Variants in ITPK1 observed in about 807,000 individuals in gnomAD.
The protein encoded by ITPK1 is inositol-tetrakisphosphate 1-kinase, also known as inositol 1,3,4-trisphosphate 5/6-kinase.
ITPK1 carries 21 observed loss-of-function variants against 45.3 expected under a neutral mutation model. That is an observed-to-expected ratio of 0.46 (90% confidence interval 0.33 to 0.67). The LOEUF (loss-of-function observed/expected upper bound fraction) is 0.67. Ranked by LOEUF, ITPK1 falls within the 30% of genes least tolerant of loss-of-function variation. ITPK1 has a pLI of 0.02. For synonymous variants in ITPK1, 258 were observed against 253.6 expected (o/e 1.02, Z -0.16); for missense variants, 474 against 573.5 (o/e 0.83, Z 1.77).
At position 93,076,570 on chromosome 14, in the gene ITPK1, C is replaced by A. The variant is rs745854394; in HGVS notation, c.120+25G>T. The A allele has an allele frequency of 5.0e-6, 8 of 1,614,106 alleles. No homozygotes were observed. On this transcript the variant is annotated intron_variant, in intron 3 of 10. Transcript: ENST00000267615. The surrounding 1 kb of genome is among the most constrained non-coding windows in gnomAD (Gnocchi z 4.3). The stretch of plus-strand genomic sequence containing the variant: ...ACCAAGGGCCCCACTACCCAAAGAA[C>A]CACGGGGACGCGGTCTGTACTCACC...
chr14:92,961,406 A>G (rs2139739891), intron 7 of ITPK1, among the ~76,000 whole-genome samples: 1 of 152,330 alleles, frequency 6.6e-6, no homozygotes, highest in South Asian at 2.1e-4. Flanking sequence ...CCTGGTCTCC[A>G]TGGTCCTCAA....
chr14:93,031,775 G>A (rs919409991), intron 3 of ITPK1, among the ~76,000 whole-genome samples: 1 of 152,100 alleles, frequency 6.6e-6, no homozygotes, highest in African/African-American at 2.4e-5. Flanking sequence ...GTTTATTTTT[G>A]CTGACAATAA....
chr14:92,988,472 G>A (rs1429198271), intron 5 of ITPK1, among the ~76,000 whole-genome samples: 1 of 152,190 alleles, frequency 6.6e-6, no homozygotes, highest in Non-Finnish European at 1.5e-5. Flanking sequence ...GCCATGATGT[G>A]TGGCTGCCCT....
At position 92,951,838 on chromosome 14, in the gene ITPK1, C is replaced by T. The variant is rs1887966678; in HGVS notation, c.738+108G>A. On this transcript the variant is annotated intron_variant, in intron 9 of 10. Transcript: ENST00000267615. ...GGCATGGAGGCAAACGTCCTTCCCA[C>T]CCTACCCTGCTGGAGAGCTTGGCCA... 3 of 856,184 alleles carry T rather than the reference C, an allele frequency of 3.5e-6. No homozygotes were observed. The East Asian group carries it at 8.0e-5, about 23-fold the overall frequency. The allele number at this position is 856,184 out of a possible 1,614,324, so 53.0% of individuals were successfully genotyped here. A position where few individuals can be genotyped will look rare whatever the true frequency, so the allele number is the denominator to read the frequency against.
chr14:92,941,913 G>C lies in ITPK1; in HGVS notation c.902-9C>G. 1 of 1,609,878 alleles carries C rather than the reference G, an allele frequency of 6.2e-7. No individual in the cohort carries two copies. ...GCTCACGCCCTCGTAGCCTGGGGGT[G>C]GGAGAGAGACAGCACAAGGGGCGTG... On this transcript the variant is annotated splice_polypyrimidine_tract_variant and intron_variant, in intron 10 of 10. Coordinates refer to ENST00000267615, the MANE Select transcript of ITPK1 (RefSeq NM_014216.6).
chr14:93,025,935 C>A (rs896160965), intron 3 of ITPK1, among the ~76,000 whole-genome samples: 1 of 152,240 alleles, frequency 6.6e-6, no homozygotes, highest in South Asian at 2.1e-4. Context: ...TGAGACCAGG[C>A]TGGATGACAG....
chr14:93,061,736 A>G lies in ITPK1; in HGVS notation c.120+14859T>C, dbSNP rs1013103598. On this transcript the variant is annotated intron_variant, in intron 3 of 10. Coordinates refer to ENST00000267615, the MANE Select transcript of ITPK1 (RefSeq NM_014216.6). ...CTTACTTATGTAACCCAAAGAAATAATCATCACAGGCTTGCCCAAACAGTA... is the reference window on the plus strand; with the variant it reads ...CTTACTTATGTAACCCAAAGAAATAGTCATCACAGGCTTGCCCAAACAGTA... Among the ~76,000 whole-genome samples the G allele has an allele frequency of 5.3e-5, 8 of 152,356 alleles. 1 individual carries two copies. The Middle Eastern group carries it at 0.01, about 194-fold the overall frequency.
chr14:92,998,555 G>T (rs1887176740), intron 4 of ITPK1, among the ~76,000 whole-genome samples: 1 of 152,260 alleles, frequency 6.6e-6, no homozygotes, highest in Non-Finnish European at 1.5e-5. Flanking sequence ...ACAGAAGTAG[G>T]TGAGGGACGG....
intron 3 of ITPK1, among the ~76,000 whole-genome samples, chr14:93,055,950 C>T (rs760335299): frequency 1.4e-4 from 22 of 152,116 alleles, no homozygotes; most frequent in Non-Finnish European, 2.2e-4. Flanking sequence ...AGTGAGGTCA[C>T]GGCTAGGGAG....
In ITPK1 at chr14:93,095,060, C is replaced by T. The variant is rs74072558; in HGVS notation, c.96-18441G>A. ...AGAGAAACTTGCTCTGTTCCTCGAGCAGAGTTCATCTAACACTTCACCTCC... is the reference window on the plus strand; with the variant it reads ...AGAGAAACTTGCTCTGTTCCTCGAGTAGAGTTCATCTAACACTTCACCTCC... On this transcript the variant is annotated intron_variant, in intron 2 of 10. Coordinates refer to ENST00000267615, the MANE Select transcript of ITPK1 (RefSeq NM_014216.6). Among the ~76,000 whole-genome samples the T allele has an allele frequency of 7.0e-3, 1,071 of 152,320 alleles. 14 individuals carry two copies. The highest frequency in any genetic ancestry group is 0.024 in the African/African-American group (984 of 41,578).
chr14:93,071,673 A>G (rs1891011594), intron 3 of ITPK1: 1 of 152,252 alleles, frequency 6.6e-6, no homozygotes, highest in Non-Finnish European at 1.5e-5. Context: ...TAAATTACAT[A>G]ATCAAGCTCT....
intron 3 of ITPK1, among the ~76,000 whole-genome samples, chr14:93,038,664 A>G (rs1354008194): frequency 6.6e-6 from 1 of 152,116 alleles, no homozygotes; most frequent in Non-Finnish European, 1.5e-5. Flanking sequence ...TGTAGCTGGG[A>G]TTACAGGCAT....
intron 2 of ITPK1, among the ~76,000 whole-genome samples, chr14:93,099,840 G>T (rs1892240954): frequency 6.6e-6 from 1 of 152,070 alleles, no homozygotes. Context: ...ACTTGTGGGG[G>T]TAGGTACTCT....
At chr14:92,955,649 C>G (rs1253100072) in intron 8 of ITPK1, among the ~76,000 whole-genome samples, 1 of 152,242 alleles carries the variant, frequency 6.6e-6, no homozygotes, top group Non-Finnish European at 1.5e-5. Context: ...ATAAGGCACA[C>G]TTGATTTGAG....
At chr14:93,095,574 GTTTT>G (rs34003729) in intron 2 of ITPK1, among the ~76,000 whole-genome samples, 6 of 137,320 alleles carry the variant, frequency 4.4e-5, no homozygotes, top group African/African-American at 8.7e-5. Context: ...CACGGACTAG[GTTTT>G]TTTTTTTTTT....
intron 5 of ITPK1, among the ~76,000 whole-genome samples, chr14:92,987,870 A>C (rs1301123607): frequency 1.3e-5 from 2 of 152,132 alleles, no homozygotes; most frequent in Non-Finnish European, 2.9e-5. Context: ...CACACGGCAG[A>C]CGCCAGGACG....
In ITPK1 at chr14:92,938,275, G is replaced by A; in HGVS notation, c.*3286C>T. The A allele has an allele frequency of 1.6e-6, 1 of 606,934 alleles. No individual in the cohort carries two copies. The highest frequency in any genetic ancestry group is 2.9e-6 in the Non-Finnish European group (1 of 340,744). 37.6% of individuals were successfully genotyped at this position (606,934 alleles called of 1,614,324 possible). Reference sequence around the variant, plus strand: ...GCCCGGCCAGAGTTTCTAGGGAATAGAAGAGAGGGCAGATACAGACCCCAG... The same window carrying A: ...GCCCGGCCAGAGTTTCTAGGGAATAAAAGAGAGGGCAGATACAGACCCCAG... On this transcript the variant is annotated 3_prime_UTR_variant, in exon 11 of 11. Coordinates refer to ENST00000267615, the MANE Select transcript of ITPK1 (RefSeq NM_014216.6).
In ITPK1 at chr14:93,012,462, G is replaced by A. The variant is rs983911000; in HGVS notation, c.246+4214C>T. ...AGGGGGCCAGGGAAGGAGCGGGTGGGGCAGATCACCGAGGCCCCATGGGTC... is the reference window on the plus strand; with the variant it reads ...AGGGGGCCAGGGAAGGAGCGGGTGGAGCAGATCACCGAGGCCCCATGGGTC... On this transcript the variant is annotated intron_variant, in intron 4 of 10. Coordinates refer to ENST00000267615, the MANE Select transcript of ITPK1 (RefSeq NM_014216.6). The surrounding 1 kb of genome is among the most constrained non-coding windows in gnomAD (Gnocchi z 4.9). 6.6e-6 allele frequency among the ~76,000 whole-genome samples: 1 copy of A among 152,180 alleles called. No individual in the cohort carries two copies. Among genetic ancestry groups the A allele is most frequent in the East Asian group, 1.9e-4 (1 of 5,194 alleles).
chr14:92,978,214 T>C (rs1006594084), intron 5 of ITPK1, among the ~76,000 whole-genome samples: 4 of 151,916 alleles, frequency 2.6e-5, no homozygotes, highest in African/African-American at 9.7e-5. Context: ...AGAGAGATGG[T>C]TTAGGGTATC....
Sources: allele counts gnomAD v4.1 joint callset (sites outside exome capture counted in the v4.1 genomes callset), GRCh38; gene constraint gnomAD v4.1.1; non-coding constraint Gnocchi (gnomAD v3.1); transcripts MANE v1.5; gene names NCBI Gene and HGNC (gene_info 2026-07-23, HGNC 2026-07-21).